The following TM9SF2 variants were observed in gnomAD, a reference collection of about 807,000 sequenced individuals.
The protein encoded by TM9SF2 is 76 kDa membrane protein.
A neutral mutation model predicts 84.9 loss-of-function variants in TM9SF2; 13 were observed. The ratio of observed to expected loss-of-function variants is 0.15; its 90% confidence interval spans 0.10 to 0.24. The LOEUF is 0.24. Ranked by LOEUF, TM9SF2 falls within the 10% of genes least tolerant of loss-of-function variation. The pLI is 1.00. For missense variants in TM9SF2, 562 were observed against 818.5 expected (o/e 0.69, Z 3.82); for synonymous variants, 273 against 285.8 (o/e 0.96, Z 0.45).
intron 3 of TM9SF2, among the ~76,000 whole-genome samples, chr13:99,524,522 T>C (rs2046173858): frequency 6.6e-6 from 1 of 151,980 alleles, no homozygotes; most frequent in African/African-American, 2.4e-5. Context: ...AACAGCCAAA[T>C]ATATGCTTTT....
chr13:99,533,153 T>C (rs2046218149), intron 4 of TM9SF2, among the ~76,000 whole-genome samples: 1 of 152,222 alleles, frequency 6.6e-6, no homozygotes, highest in Non-Finnish European at 1.5e-5. Context: ...TTTGTGAATA[T>C]AGCACATTTT....
At chr13:99,504,675 A>G (rs1476581280) in intron 1 of TM9SF2, among the ~76,000 whole-genome samples, 2 of 152,258 alleles carry the variant, frequency 1.3e-5, no homozygotes. Flanking sequence ...ACAGGAGTCC[A>G]GTGAATATAA....
Position 99,562,287 on chromosome 13 carries a change from A to G in TM9SF2, c.1925-404A>G, listed in dbSNP as rs16956686. 7.4e-3 allele frequency among the ~76,000 whole-genome samples: 1,131 copies of G among 152,336 alleles called. 13 individuals are homozygous for G. Among genetic ancestry groups the G allele is most frequent in the Non-Finnish European group, 0.013 (852 of 68,032 alleles). ...GATAACTTCCAATAACTGTACTTAG[A>G]AAATATCCCCATTTAATCATTATTT... On this transcript the variant is annotated intron_variant, in intron 16 of 16. Coordinates refer to ENST00000376387, the MANE Select transcript of TM9SF2 (RefSeq NM_004800.3).
At chr13:99,508,734 G>A (rs1486938943) in intron 1 of TM9SF2, among the ~76,000 whole-genome samples, 1 of 152,054 alleles carries the variant, frequency 6.6e-6, no homozygotes. Context: ...GTTTTCTGTT[G>A]AGCGAGATGC....
intron 9 of TM9SF2, 107 bp downstream of exon 9, chr13:99,541,774 AAAAACAAAAAC>A (rs1460373895): frequency 1.7e-6 from 1 of 577,206 alleles, no homozygotes; most frequent in African/African-American, 2.0e-5. Context: ...ACATTCTTCA[AAAAACAAAAAC>A]AAAAACAAAA....
At chr13:99,531,581 G>T (rs117178982) in intron 4 of TM9SF2, among the ~76,000 whole-genome samples, 4,281 of 152,218 alleles carry the variant, frequency 0.028, 78 homozygotes, top group Non-Finnish European at 0.045. Context: ...GATTCATTCT[G>T]ACTGACCAGA....
rs959596300 is a variant in TM9SF2 at position 99,554,605 on chromosome 13, C to A, written c.1640+150C>A. On this transcript the variant is annotated intron_variant, in intron 14 of 16. Coordinates refer to ENST00000376387, the MANE Select transcript of TM9SF2 (RefSeq NM_004800.3). ...TTAAAAGCCAAAAGCTTATTTTTAT[C>A]TTTTCCATGTTGGAAGAAGAACAAT... is the stretch of plus-strand genomic sequence containing the variant. 44 of 844,692 alleles carry A rather than the reference C, an allele frequency of 5.2e-5. No homozygotes were observed. The Admixed American group carries it at 1.2e-3, about 24-fold the overall frequency. The allele number at this position is 844,692 out of a possible 1,614,324, so 52.3% of individuals were successfully genotyped here.
intron 9 of TM9SF2, among the ~76,000 whole-genome samples, chr13:99,543,015 C>T (rs2046267406): frequency 6.6e-6 from 1 of 152,226 alleles, no homozygotes; most frequent in African/African-American, 2.4e-5. Flanking sequence ...GTTACCTCAG[C>T]ACTCTGCTGC....
Position 99,536,652 on chromosome 13 carries a change from A to T in TM9SF2, c.506A>T (p.Asp169Val). The change falls in exon 5 of 17, where the codon GAT becomes GTT. Residue 169 changes from aspartate (D) to valine (V), a missense_variant. By Grantham distance (152) the Asp-to-Val change is radical. Transcript: ENST00000376387. ...GTAACGTGGTGTTACGATGTTGAAG[A>T]TGGTCAGAGGTTCTGTAATCCTGGA... ...MPVTWCYDVE[D>V]GQRFCNPGFP... The T allele has an allele frequency of 6.2e-7, 1 of 1,613,808 alleles. No homozygotes were observed. The highest frequency in any genetic ancestry group is 1.3e-5 in the African/African-American group (1 of 75,028).
chr13:99,526,907 G>T lies in TM9SF2; in HGVS notation c.334-2560G>T, dbSNP rs187771736. Among the ~76,000 whole-genome samples, 9 of 152,186 alleles carry T rather than the reference G, an allele frequency of 5.9e-5. No homozygotes were observed. In the East Asian group the frequency reaches 1.7e-3, roughly 29 times the overall value. On this transcript the variant is annotated intron_variant, in intron 3 of 16. Transcript: ENST00000376387. ...TGGGAGTCAAAGCTAGAGGTTTCTG[G>T]AGGAGGGAGAATGGTCTGGCCCAGC...
intron 3 of TM9SF2, among the ~76,000 whole-genome samples, chr13:99,524,263 C>T (rs942819126): frequency 4.6e-5 from 7 of 152,100 alleles, no homozygotes; most frequent in African/African-American, 1.4e-4. Context: ...GAGGCCTTCT[C>T]CCTCATCTAA....
Position 99,562,824 on chromosome 13 carries a change from T to G in TM9SF2, c.*66T>G. The G allele has an allele frequency of 6.7e-7, 1 of 1,485,592 alleles. No individual in the cohort carries two copies. Among genetic ancestry groups the G allele is most frequent in the South Asian group, 1.2e-5 (1 of 84,458 alleles). 92.0% of individuals were successfully genotyped at this position (1,485,592 alleles called of 1,614,324 possible). On this transcript the variant is annotated 3_prime_UTR_variant, in exon 17 of 17. Transcript: ENST00000376387. ...CTCTTCATCAACAAAGACCTGTTTT[T>G]GTGACTGCCTTGAGTTTTATCAGAA... is the stretch of plus-strand genomic sequence containing the variant.
At chr13:99,552,452 G>T in intron 13 of TM9SF2, 126 bp downstream of exon 13, 2 of 984,096 alleles carry the variant, frequency 2.0e-6, no homozygotes, top group Non-Finnish European at 1.5e-6. Flanking sequence ...GGATTTCATA[G>T]AATATTTTTA....
chr13:99,508,407 ACAC>A (rs1398469321), intron 1 of TM9SF2, among the ~76,000 whole-genome samples: 3 of 107,894 alleles, frequency 2.8e-5, no homozygotes, highest in African/African-American at 8.9e-5. Context: ...CAAACAAAAC[ACAC>A]ACACACACAC....
intron 1 of TM9SF2, among the ~76,000 whole-genome samples, chr13:99,515,050 T>G (rs573328897): frequency 4.1e-4 from 63 of 152,354 alleles, no homozygotes; most frequent in Admixed American, 3.3e-3. Context: ...GAGTCTTGCT[T>G]CTTAATCATT....
At chr13:99,527,730 T>A (rs945426091) in intron 3 of TM9SF2, among the ~76,000 whole-genome samples, 3 of 152,234 alleles carry the variant, frequency 2.0e-5, no homozygotes, top group Non-Finnish European at 4.4e-5. Context: ...TGCTATTTGC[T>A]AAAAGCTGGT....
intron 3 of TM9SF2, among the ~76,000 whole-genome samples, chr13:99,526,813 A>C (rs2046185696): frequency 8.7e-6 from 1 of 115,196 alleles, no homozygotes; most frequent in African/African-American, 2.6e-5. Flanking sequence ...CCAGGAGCTG[A>C]GGGCCAGTGA....
chr13:99,520,694 G>A (rs569921600), intron 3 of TM9SF2, among the ~76,000 whole-genome samples: 2 of 152,080 alleles, frequency 1.3e-5, no homozygotes, highest in Non-Finnish European at 2.9e-5. Context: ...TCAGCTTCCC[G>A]AGTAGCTGGG....
At chr13:99,516,314 C>T (rs1428846580) in intron 1 of TM9SF2, among the ~76,000 whole-genome samples, 5 of 152,190 alleles carry the variant, frequency 3.3e-5, no homozygotes, top group Non-Finnish European at 7.3e-5. Flanking sequence ...GGACTGTTGA[C>T]AGCACTAGTA....
Sources: gnomAD v4.1 joint callset for allele counts (sites outside exome capture counted in the v4.1 genomes callset) on GRCh38, gnomAD v4.1.1 for gene constraint, MANE v1.5 for transcripts, NCBI Gene and HGNC (gene_info 2026-07-23, HGNC 2026-07-21) for gene names.